The following P4HB variants were observed in gnomAD, a reference collection of about 807,000 sequenced individuals.
P4HB encodes protein disulfide-isomerase.
In P4HB, 20 loss-of-function variants were observed where a neutral mutation model predicts 52.6. The observed-to-expected ratio is 0.38, with a 90% CI of 0.27 to 0.55. The LOEUF (loss-of-function observed/expected upper bound fraction) is 0.55, where lower values mean the gene tolerates loss of function less well. Among genes scored for constraint, P4HB ranks in the 20% least tolerant of loss-of-function variants. P4HB has a pLI of 0.74. For synonymous variants in P4HB, 296 were observed against 277.9 expected (o/e 1.07, Z -0.65); for missense variants, 601 against 669.2 (o/e 0.90, Z 1.12).
chr17:81,843,868 G>C lies in P4HB; in HGVS notation c.*144C>G. The C allele has an allele frequency of 1.4e-6, 1 of 708,364 alleles. No individual in the cohort carries two copies. The highest frequency in any genetic ancestry group is 2.6e-6 in the Non-Finnish European group (1 of 389,544). 43.9% of individuals were successfully genotyped at this position (708,364 alleles called of 1,614,324 possible). A position where few individuals can be genotyped will look rare whatever the true frequency, so the allele number is the denominator to read the frequency against. ...ACGGGGGTGAACGGACGGTGTGTAGGGGTGAGGTGTCACTTCAGAGAGGTT... is the reference window on the plus strand; with the variant it reads ...ACGGGGGTGAACGGACGGTGTGTAGCGGTGAGGTGTCACTTCAGAGAGGTT... On this transcript the variant is annotated 3_prime_UTR_variant, in exon 11 of 11. Transcript: ENST00000331483.
intron 4 of P4HB, among the ~76,000 whole-genome samples, chr17:81,852,132 G>A: frequency 6.6e-6 from 1 of 152,204 alleles, no homozygotes; most frequent in East Asian, 1.9e-4. Context: ...GCAGTGAAGT[G>A]TGATTGTGCC....
At chr17:81,852,901 C>A (rs935133694) in intron 4 of P4HB, among the ~76,000 whole-genome samples, 6 of 152,226 alleles carry the variant, frequency 3.9e-5, no homozygotes, top group African/African-American at 1.4e-4. Flanking sequence ...AGAAAGTCTG[C>A]CCCAGAACCC....
chr17:81,849,333 T>C lies in P4HB; in HGVS notation c.625-1986A>G, dbSNP rs527239746. Among the ~76,000 whole-genome samples, 3 of 148,626 alleles carry C rather than the reference T, an allele frequency of 2.0e-5. No individual in the cohort carries two copies. The South Asian group carries it at 6.4e-4, about 32-fold the overall frequency. On this transcript the variant is annotated intron_variant, in intron 4 of 10. Transcript: ENST00000331483. The stretch of plus-strand genomic sequence containing the variant: ...CAACATGGTAAAACGTCGTCTTTAC[T>C]AGAAATACAAAAATTAGCTGGGCGT...
Position 81,860,363 on chromosome 17 carries a change from C to A in P4HB, c.109G>T (p.Ala37Ser). The change falls in exon 1 of 11, where the codon GCG becomes TCG. Residue 37 changes from alanine (A) to serine (S), a missense_variant. Ala to Ser is a moderately conservative substitution (Grantham distance 99). Transcript: ENST00000331483. ...LVLRKSNFAE[A>S]LAAHKYLLVE... ...AGCAGGTACTTGTGGGCCGCCAGCG[C>A]CTCCGCGAAGTTGCTTTTCCGCAGC... 1.4e-6 allele frequency: 2 copies of A among 1,473,622 alleles called. No homozygotes were observed. Among genetic ancestry groups the A allele is most frequent in the Non-Finnish European group, 1.8e-6 (2 of 1,111,728 alleles). 91.3% of individuals were successfully genotyped at this position (1,473,622 alleles called of 1,614,324 possible).
In P4HB at chr17:81,845,611, CT is replaced by C; in HGVS notation, c.1308del (p.Val437CysfsTer68). 1 of 1,612,830 alleles carries C rather than the reference CT, an allele frequency of 6.2e-7. No individual in the cohort carries two copies. Among genetic ancestry groups the C allele is most frequent in the Non-Finnish European group, 8.5e-7 (1 of 1,179,082 alleles). ...AACTTGAGTGTGGGGAAGCTGTGCA[CT>C]TTGACGGCCTCCACCTCGTTGGCAG... ...DSTANEVEAV[K>X]VHSFPTLKFF... On this transcript the variant is annotated frameshift_variant, in exon 9 of 11. Coordinates refer to ENST00000331483, the MANE Select transcript of P4HB (RefSeq NM_000918.4). LOFTEE classifies it high-confidence loss of function.
At chr17:81,856,856 G>A (rs2038919317) in intron 2 of P4HB, among the ~76,000 whole-genome samples, 1 of 151,792 alleles carries the variant, frequency 6.6e-6, no homozygotes, top group Admixed American at 6.6e-5. Context: ...CACTGTGTTG[G>A]CCAGGCTGGT....
chr17:81,845,507 G>T, intron 9 of P4HB, 54 bp downstream of exon 9: 2 of 1,499,220 alleles, frequency 1.3e-6, no homozygotes, highest in South Asian at 1.3e-5. Flanking sequence ...GCTGGCGTGG[G>T]GACCACTGCT....
intron 4 of P4HB, among the ~76,000 whole-genome samples, chr17:81,854,885 G>GAA (rs371026014): frequency 3.9e-4 from 51 of 131,424 alleles, no homozygotes; most frequent in African/African-American, 1.4e-3. Context: ...TATCATAATT[G>GAA]AAAAAAAAAA....
At chr17:81,860,274 G>A (rs933789194) in intron 1 of P4HB, 53 bp downstream of exon 1, 2 of 1,340,188 alleles carry the variant, frequency 1.5e-6, no homozygotes, top group Non-Finnish European at 1.9e-6. Flanking sequence ...TGCGTCCCAA[G>A]AGCCTGGCTC....
Position 81,846,597 on chromosome 17 carries a change from G to A in P4HB, c.888C>T (p.Thr296=), listed in dbSNP as rs374783098. The part of the protein sequence containing the change: ...ILFIFIDSDH[T]DNQRILEFFG... ...AGAACTCGAGGATGCGCTGGTTGTC[G>A]GTGTGGTCGCTGTCGATGAAGATGA... is the stretch of plus-strand genomic sequence containing the variant. The change falls in exon 7 of 11, where the codon ACC becomes ACT. Residue 296 remains threonine, a synonymous_variant. Transcript: ENST00000331483. This position sits in a 1 kb window ranked among gnomAD's most constrained non-coding sequence, Gnocchi z 5.7. The A allele has an allele frequency of 3.2e-5, 52 of 1,613,916 alleles. No homozygotes were observed. The highest frequency in any genetic ancestry group is 2.7e-4 in the Admixed American group (16 of 59,988).
chr17:81,859,783 T>C (rs1033590704), intron 1 of P4HB: 2 of 284,576 alleles, frequency 7.0e-6, no homozygotes, highest in African/African-American at 2.2e-5. Flanking sequence ...TAGCTGTGAG[T>C]ATGAGATGCA....
At chr17:81,854,555 A>AT (rs756356158) in intron 4 of P4HB, among the ~76,000 whole-genome samples, 2 of 131,856 alleles carry the variant, frequency 1.5e-5, no homozygotes, top group Non-Finnish European at 3.3e-5. Flanking sequence ...AAAAAAAAAA[A>AT]GGCAAACGGG....
chr17:81,848,909 G>C (rs1279314784), intron 4 of P4HB, among the ~76,000 whole-genome samples: 1 of 151,606 alleles, frequency 6.6e-6, no homozygotes, highest in Admixed American at 6.6e-5. Context: ...AGCTGGGTGT[G>C]GTGGTGCACA....
At chr17:81,859,646 A>G in intron 1 of P4HB, 1 of 524,258 alleles carries the variant, frequency 1.9e-6, no homozygotes, top group Non-Finnish European at 3.4e-6. Context: ...GCACAGCCAG[A>G]CAAACCTTTC....
chr17:81,860,297 C>T, intron 1 of P4HB, 30 bp downstream of exon 1: 3 of 1,412,916 alleles, frequency 2.1e-6, no homozygotes, highest in Middle Eastern at 1.9e-4. Flanking sequence ...CGGCCCCGAG[C>T]CCCGCCCGCC....
At chr17:81,847,430 T>A (rs2038754615) in intron 4 of P4HB, 83 bp from the exon 5 acceptor site, 1 of 1,182,204 alleles carries the variant, frequency 8.5e-7, no homozygotes, top group Admixed American at 1.7e-5. Context: ...ACGTGGGAAG[T>A]CACAGCAGCC....
At chr17:81,849,864 G>T (rs544494856) in intron 4 of P4HB, among the ~76,000 whole-genome samples, 11 of 151,724 alleles carry the variant, frequency 7.3e-5, no homozygotes, top group African/African-American at 2.7e-4. Context: ...TTTTGCTATT[G>T]TCACCCAGGC....
rs763394045 is a variant in P4HB, at chr17:81,845,887, GT to G, written c.1160del (p.Asn387ThrfsTer118). 3 of 1,613,606 alleles carry G rather than the reference GT, an allele frequency of 1.9e-6. No individual in the cohort carries two copies. The highest frequency in any genetic ancestry group is 8.5e-7 in the Non-Finnish European group (1 of 1,179,930). On this transcript the variant is annotated frameshift_variant, in exon 8 of 11. Transcript: ENST00000331483. LOFTEE classifies it high-confidence loss of function. ...AACACTTACAGAACTCCACAAAGAC[GT>G]TTTTTTTCTCATCAAAAGCCACGTC... ...FEDVAFDEKK[N>X]VFVEFYAPWC...
In P4HB at chr17:81,860,389, ACCAGG is replaced by A; in HGVS notation, c.78_82del (p.Leu27AlafsTer34). 1.4e-6 allele frequency: 2 copies of A among 1,468,548 alleles called. No homozygotes were observed. The highest frequency in any genetic ancestry group is 1.8e-6 in the Non-Finnish European group (2 of 1,108,790). The allele number at this position is 1,468,548 out of a possible 1,614,324, so 91.0% of individuals were successfully genotyped here. Reference sequence around the variant, plus strand: ...CTCCGCGAAGTTGCTTTTCCGCAGCACCAGGACGTGGTCCTCCTCCTCGGGGGCGT... The same window carrying A: ...CTCCGCGAAGTTGCTTTTCCGCAGCAACGTGGTCCTCCTCCTCGGGGGCGT... On this transcript the variant is annotated frameshift_variant, in exon 1 of 11. Coordinates refer to ENST00000331483, the MANE Select transcript of P4HB (RefSeq NM_000918.4). LOFTEE classifies it high-confidence loss of function.
Sources: allele counts gnomAD v4.1 joint callset (sites outside exome capture counted in the v4.1 genomes callset), GRCh38; gene constraint gnomAD v4.1.1; non-coding constraint Gnocchi (gnomAD v3.1); transcripts MANE v1.5; gene names NCBI Gene and HGNC (gene_info 2026-07-23, HGNC 2026-07-21).